The following SEC14L1 variants were observed in gnomAD, a reference collection of about 807,000 sequenced individuals.
SEC14L1 encodes SEC14-like protein 1.
A neutral mutation model predicts 85.3 loss-of-function variants in SEC14L1; 48 were observed. The ratio of observed to expected loss-of-function variants is 0.56; its 90% CI spans 0.45 to 0.72. The LOEUF is 0.72. SEC14L1 is among the 30% of genes least tolerant of loss of function. The pLI, the probability that SEC14L1 is intolerant of heterozygous loss-of-function variation, is 0.00. For missense variants in SEC14L1, 682 were observed against 921.4 expected, an observed-to-expected ratio of 0.74 and a Z score of 3.36; for synonymous variants, 391 against 355.5, an observed-to-expected ratio of 1.10 and a Z score of -1.12.
At position 77,213,281 on chromosome 17, in the gene SEC14L1, C is replaced by A. The variant is rs368644162; in HGVS notation, c.1864-33C>A. 1 of 1,566,694 alleles carries A rather than the reference C, an allele frequency of 6.4e-7. No homozygotes were observed. The highest frequency in any genetic ancestry group is 8.7e-7 in the Non-Finnish European group (1 of 1,155,334). Reference sequence around the variant, plus strand: ...GGTAGGCCAGGGGTCGGAAGCGAGTCGCCCTCAGCTGCCACTGCCCTACTT... The same window carrying A: ...GGTAGGCCAGGGGTCGGAAGCGAGTAGCCCTCAGCTGCCACTGCCCTACTT... On this transcript the variant is annotated intron_variant, in intron 15 of 16. Transcript: ENST00000436233. The surrounding 1 kb of genome is among the most constrained non-coding windows in gnomAD (Gnocchi z 7.1).
chr17:77,149,516 C>G (rs1183943232), intron 3 of SEC14L1, among the ~76,000 whole-genome samples: 2 of 152,062 alleles, frequency 1.3e-5, no homozygotes, highest in Non-Finnish European at 2.9e-5. Flanking sequence ...GGCAACATAG[C>G]AAGATCCTGT....
intron 3 of SEC14L1, among the ~76,000 whole-genome samples, chr17:77,114,432 G>C (rs1447100585): frequency 2.0e-5 from 3 of 152,008 alleles, no homozygotes; most frequent in Admixed American, 1.3e-4. Flanking sequence ...GCTGAGGCAG[G>C]AGAATCGCTT....
chr17:77,131,840 G>T (rs485500), intron 3 of SEC14L1, among the ~76,000 whole-genome samples: 1 of 152,082 alleles, frequency 6.6e-6, no homozygotes, highest in African/African-American at 2.4e-5. Flanking sequence ...GCTAGTAGTA[G>T]GAAGGGTGTC....
chr17:77,167,382 A>G (rs1974332888), intron 3 of SEC14L1, among the ~76,000 whole-genome samples: 1 of 151,496 alleles, frequency 6.6e-6, no homozygotes, highest in South Asian at 2.1e-4. Context: ...TGATCCACCC[A>G]CCTTGGCCTC....
At chr17:77,137,020 C>T (rs527735978), upstream of SEC14L1, among the ~76,000 whole-genome samples, 30 of 152,036 alleles carry the variant, frequency 2.0e-4, no homozygotes, top group African/African-American at 6.5e-4. Flanking sequence ...AGCAATTCTC[C>T]TGCCTCAGCC....
chr17:77,149,737 T>G (rs1973472159), intron 3 of SEC14L1, among the ~76,000 whole-genome samples: 1 of 152,118 alleles, frequency 6.6e-6, no homozygotes, highest in Admixed American at 6.5e-5. Context: ...TCTAATTCTG[T>G]TTTCAGACAA....
upstream of SEC14L1, among the ~76,000 whole-genome samples, chr17:77,139,771 T>G (rs779954143): frequency 3.9e-5 from 6 of 152,118 alleles, no homozygotes; most frequent in Non-Finnish European, 7.4e-5. Context: ...GTGCTGAGAT[T>G]ACAGGCGTGA....
intron 3 of SEC14L1, among the ~76,000 whole-genome samples, chr17:77,104,812 GT>G (rs916088663): frequency 6.9e-6 from 1 of 145,574 alleles, no homozygotes; most frequent in East Asian, 2.0e-4. Flanking sequence ...AAAAAAGAAA[GT>G]TTTTTTTTGT....
rs1299140478 is a variant in SEC14L1 at position 77,216,458 on chromosome 17, C to T, written c.*2435C>T. On this transcript the variant is annotated 3_prime_UTR_variant, in exon 17 of 17. Transcript: ENST00000436233. ...TTCGTAGGTAGGGTTAGTAGCGCGT[C>T]TGTGCTGCTTCCACCTGGTGCTTCC... 28 of 1,609,592 alleles carry T rather than the reference C, an allele frequency of 1.7e-5. No individual in the cohort carries two copies. The highest frequency in any genetic ancestry group is 3.3e-5 in the Admixed American group (2 of 59,722).
At chr17:77,208,325 G>A (rs143718257) in intron 13 of SEC14L1, among the ~76,000 whole-genome samples, 9 of 152,154 alleles carry the variant, frequency 5.9e-5, no homozygotes, top group South Asian at 2.1e-4. Flanking sequence ...GCTCAGGTTC[G>A]TAGAAACCTC....
chr17:77,185,447 G>C, intron 3 of SEC14L1: 1 of 937,366 alleles, frequency 1.1e-6, no homozygotes, highest in East Asian at 1.2e-4. Flanking sequence ...GGAAGGGAAC[G>C]TTTTTAGTGT....
rs994691313 is a variant in SEC14L1, at chr17:77,206,563, C to T, written c.1341+163C>T. 9.1e-6 allele frequency: 11 copies of T among 1,209,944 alleles called. No homozygotes were observed. In the Admixed American group the frequency reaches 2.2e-4, roughly 24 times the overall value. The allele number at this position is 1,209,944 out of a possible 1,614,324, so 75.0% of individuals were successfully genotyped here. A position where few individuals can be genotyped will look rare whatever the true frequency, so the allele number is the denominator to read the frequency against. On this transcript the variant is annotated intron_variant, in intron 12 of 16. Coordinates refer to ENST00000436233, the MANE Select transcript of SEC14L1 (RefSeq NM_001143998.2). The surrounding 1 kb of genome is among the most constrained non-coding windows in gnomAD (Gnocchi z 4.3). ...CAAATTGTTTAAGAAAGGGGAAAAA[C>T]AAAATGTGAGTGTCCTAATGCCATG...
chr17:77,185,421 A>T (rs994019129), intron 3 of SEC14L1: 1 of 982,258 alleles, frequency 1.0e-6, no homozygotes, highest in African/African-American at 1.7e-5. Context: ...GTCTACGTGG[A>T]TGGAGAATTT....
chr17:77,096,084 A>G (rs1175111066), intron 3 of SEC14L1, among the ~76,000 whole-genome samples: 13 of 141,278 alleles, frequency 9.2e-5, no homozygotes, highest in Non-Finnish European at 1.7e-4. Flanking sequence ...TTAAATAGAG[A>G]TGAGGTCTCA....
At position 77,216,924 on chromosome 17, in the gene SEC14L1, T is replaced by C; in HGVS notation, c.*2901T>C. 4.6e-6 allele frequency: 1 copy of C among 215,772 alleles called. No individual in the cohort carries two copies. Among genetic ancestry groups the C allele is most frequent in the South Asian group, 9.6e-5 (1 of 10,424 alleles). The allele number at this position is 215,772 out of a possible 1,614,324, so 13.4% of individuals were successfully genotyped here. ...ATTTCCCATTTCTTAGTACTAATGA[T>C]TCTTTGATTCTCCCTCTATTATGTC... On this transcript the variant is annotated 3_prime_UTR_variant, in exon 17 of 17. Coordinates refer to ENST00000436233, the MANE Select transcript of SEC14L1 (RefSeq NM_001143998.2).
chr17:77,154,645 TTG>T (rs1973726078), intron 3 of SEC14L1, among the ~76,000 whole-genome samples: 1 of 151,232 alleles, frequency 6.6e-6, no homozygotes, highest in South Asian at 2.1e-4. Context: ...TTGTTTTTTT[TTG>T]GTTTTTTTTT....
chr17:77,145,099 ATGTGTGTGTGTGTGTGTGTGTG>A (rs60478156), intron 3 of SEC14L1: 5 of 114,142 alleles, frequency 4.4e-5, no homozygotes, highest in Non-Finnish European at 9.7e-5. Flanking sequence ...GTGTGTATGT[ATGTGTGTGTGTGTGTGTGTGTG>A]TGTGTGTGTG....
intron 3 of SEC14L1, among the ~76,000 whole-genome samples, chr17:77,178,182 T>C (rs1974847719): frequency 2.0e-5 from 3 of 151,814 alleles, no homozygotes; most frequent in Non-Finnish European, 4.4e-5. Context: ...TAGCAGCTTC[T>C]CTTGCTCTTG....
intron 3 of SEC14L1, among the ~76,000 whole-genome samples, chr17:77,117,597 T>C (rs965644058): frequency 1.3e-5 from 2 of 152,188 alleles, no homozygotes; most frequent in African/African-American, 4.8e-5. Flanking sequence ...ATTTTCCCCA[T>C]GGAGTTGGCC....
Sources: gnomAD v4.1 joint callset for allele counts (sites outside exome capture counted in the v4.1 genomes callset) on GRCh38, gnomAD v4.1.1 for gene constraint, Gnocchi (gnomAD v3.1) non-coding constraint, MANE v1.5 for transcripts, NCBI Gene and HGNC (gene_info 2026-07-23, HGNC 2026-07-21) for gene names.